Variants in SV2C observed in about 807,000 individuals in gnomAD.
SV2C encodes the protein solute carrier family 22 member B3.
In SV2C, 49 loss-of-function variants were observed where a neutral mutation model predicts 79.7. The observed-to-expected ratio is 0.61, with a 90% CI of 0.49 to 0.78. The LOEUF is 0.78. Ranked by LOEUF, SV2C falls within the 30% of genes least tolerant of loss-of-function variation. The pLI is 0.00. For synonymous variants in SV2C, 334 were observed against 333.2 expected (o/e 1.00, Z -0.03); for missense variants, 833 against 912.9 (o/e 0.91, Z 1.13).
At chr5:76,101,721 T>C (rs1580266355) in intron 1 of SV2C, among the ~76,000 whole-genome samples, 1 of 152,148 alleles carries the variant, frequency 6.6e-6, no homozygotes, top group African/African-American at 2.4e-5. Context: ...CATCAACATT[T>C]ATTAGAAATT....
At chr5:76,222,180 T>C (rs1745085160) in intron 4 of SV2C, among the ~76,000 whole-genome samples, 1 of 152,124 alleles carries the variant, frequency 6.6e-6, no homozygotes, top group Non-Finnish European at 1.5e-5. Flanking sequence ...CCCAGAGAAA[T>C]AAAAACTTGT....
chr5:75,974,020 G>A, the SV2C span, among the ~76,000 whole-genome samples: 4 of 152,072 alleles, frequency 2.6e-5, no homozygotes, highest in East Asian at 7.7e-4. Flanking sequence ...GACTGCAAAT[G>A]TAATACTAAT....
the SV2C span, among the ~76,000 whole-genome samples, chr5:75,956,514 T>G: frequency 4.9e-4 from 75 of 151,928 alleles, 1 homozygote; most frequent in East Asian, 0.013. Flanking sequence ...ACCTGCACAT[T>G]GTGCACATGT....
chr5:76,038,148 T>C, the SV2C span, among the ~76,000 whole-genome samples: 3 of 152,210 alleles, frequency 2.0e-5, no homozygotes, highest in Non-Finnish European at 2.9e-5. Flanking sequence ...TGTCTGGCAC[T>C]CCCTAGTGAG....
chr5:76,131,692 C>T lies in SV2C; in HGVS notation c.-59C>T. 2 of 1,448,370 alleles carry T rather than the reference C, an allele frequency of 1.4e-6. No homozygotes were observed. Among genetic ancestry groups the T allele is most frequent in the East Asian group, 2.3e-5 (1 of 43,594 alleles). 89.7% of individuals were successfully genotyped at this position (1,448,370 alleles called of 1,614,324 possible). The stretch of plus-strand genomic sequence containing the variant: ...AGTGGATGATGCTGTCAGAGCTGAA[C>T]CACTGAAAGGAGGCTGTGAAAATTT... On this transcript the variant is annotated 5_prime_UTR_variant, in exon 2 of 13. Coordinates refer to ENST00000502798, the MANE Select transcript of SV2C (RefSeq NM_014979.4).
the SV2C span, among the ~76,000 whole-genome samples, chr5:75,963,980 T>C: frequency 7.9e-5 from 12 of 152,296 alleles, no homozygotes; most frequent in South Asian, 4.1e-4. Flanking sequence ...TTTTCTCTTA[T>C]TCTTTTTCTT....
chr5:75,955,889 G>A, the SV2C span, among the ~76,000 whole-genome samples: 1 of 152,050 alleles, frequency 6.6e-6, no homozygotes, highest in African/African-American at 2.4e-5. Context: ...TAAAAAGTCA[G>A]GAAACAACAG....
the SV2C span, among the ~76,000 whole-genome samples, chr5:75,999,375 AAGAGAGAGAGAGAGAG>A: frequency 2.2e-5 from 3 of 134,724 alleles, no homozygotes; most frequent in Admixed American, 7.7e-5. Flanking sequence ...GGGAGGGAGA[AAGAGAGAGAGAGAGAG>A]AGAGAGAGAG....
chr5:76,321,963 C>T (rs1334972436), intron 12 of SV2C, among the ~76,000 whole-genome samples: 3 of 152,128 alleles, frequency 2.0e-5, no homozygotes, highest in African/African-American at 4.8e-5. Flanking sequence ...CCAAATGTTA[C>T]ATTGGCTCAC....
At chr5:76,115,453 T>TTCATTGTG (rs1748233462) in intron 1 of SV2C, among the ~76,000 whole-genome samples, 1 of 152,208 alleles carries the variant, frequency 6.6e-6, no homozygotes, top group Non-Finnish European at 1.5e-5. Context: ...ATCAAGCACC[T>TTCATTGTG]ACCAGGTACA....
the SV2C span, among the ~76,000 whole-genome samples, chr5:75,994,782 G>A: frequency 6.6e-6 from 1 of 152,166 alleles, no homozygotes; most frequent in African/African-American, 2.4e-5. Context: ...ACCAGATTAT[G>A]TAGGCCAACA....
intron 2 of SV2C, among the ~76,000 whole-genome samples, chr5:76,179,626 C>G (rs533126564): frequency 6.6e-6 from 1 of 152,186 alleles, no homozygotes; most frequent in African/African-American, 2.4e-5. Flanking sequence ...AGTTTGGGAT[C>G]GAGGAGCCCT....
the SV2C span, among the ~76,000 whole-genome samples, chr5:75,968,745 C>T: frequency 6.6e-6 from 1 of 152,200 alleles, no homozygotes; most frequent in African/African-American, 2.4e-5. Context: ...AGTTGGAAAA[C>T]ACTCTGCAGG....
the SV2C span, among the ~76,000 whole-genome samples, chr5:76,048,650 C>T: frequency 6.6e-6 from 1 of 151,792 alleles, no homozygotes; most frequent in African/African-American, 2.4e-5. Context: ...AAGTAAAGGA[C>T]ATTTTGAGAG....
the SV2C span, among the ~76,000 whole-genome samples, chr5:76,039,769 AAAAAG>A: frequency 2.0e-5 from 3 of 151,258 alleles, no homozygotes; most frequent in African/African-American, 7.4e-5. Context: ...AAAAAAAAAA[AAAAAG>A]AAAGAAAAGA....
At chr5:75,966,729 C>T in the SV2C span, among the ~76,000 whole-genome samples, 29 of 152,220 alleles carry the variant, frequency 1.9e-4, no homozygotes, top group Non-Finnish European at 1.0e-4. Flanking sequence ...CTCTTCTGTA[C>T]TCTGACACTT....
intron 2 of SV2C, among the ~76,000 whole-genome samples, chr5:76,185,560 A>C (rs1358512645): frequency 6.6e-6 from 1 of 152,220 alleles, no homozygotes; most frequent in Non-Finnish European, 1.5e-5. Context: ...CCCCAGGCCC[A>C]ACACCATGTG....
chr5:76,167,047 G>A (rs960962209), intron 2 of SV2C, among the ~76,000 whole-genome samples: 2 of 152,136 alleles, frequency 1.3e-5, no homozygotes, highest in Admixed American at 6.6e-5. Flanking sequence ...CTCTTAGCCA[G>A]CCCTGACACA....
intron 4 of SV2C, among the ~76,000 whole-genome samples, chr5:76,217,606 T>C (rs1744941975): frequency 6.6e-6 from 1 of 152,174 alleles, no homozygotes; most frequent in African/African-American, 2.4e-5. Flanking sequence ...TGCTCAAAAA[T>C]GGTAGCTCTT....
Sources: allele counts gnomAD v4.1 joint callset (sites outside exome capture counted in the v4.1 genomes callset), GRCh38; gene constraint gnomAD v4.1.1; transcripts MANE v1.5; gene names NCBI Gene and HGNC (gene_info 2026-07-23, HGNC 2026-07-21).